The following BDP1 variants were observed in gnomAD, a reference collection of about 807,000 sequenced individuals.
BDP1 encodes the protein transcription factor TFIIIB component B'' homolog.
BDP1 carries 169 observed loss-of-function variants against 266.6 expected under a neutral mutation model. The observed-to-expected ratio is 0.63, with a 90% CI of 0.56 to 0.72. The LOEUF (loss-of-function observed/expected upper bound fraction) is 0.72, where lower values mean the gene tolerates loss of function less well. Ranked by LOEUF, BDP1 falls within the 30% of genes least tolerant of loss-of-function variation. BDP1 has a pLI of 0.00. For missense variants in BDP1, 3,015 were observed against 3,053.8 expected (o/e 0.99, Z 0.30); for synonymous variants, 1,090 against 1,022.4 (o/e 1.07, Z -1.26).
chr5:71,518,742 C>T (rs189872519), intron 22 of BDP1, among the ~76,000 whole-genome samples: 23 of 152,090 alleles, frequency 1.5e-4, no homozygotes, highest in Middle Eastern at 6.8e-3. Flanking sequence ...GGTGAGCCAC[C>T]GTGCCCGACC....
chr5:71,480,086 A>G (rs1393259094), intron 7 of BDP1, among the ~76,000 whole-genome samples: 1 of 151,010 alleles, frequency 6.6e-6, no homozygotes, highest in Non-Finnish European at 1.5e-5. Context: ...CTGGGACTAC[A>G]GGTGCGCACC....
chr5:71,510,910 C>T lies in BDP1; in HGVS notation c.3818C>T (p.Ala1273Val), dbSNP rs1335452738. Residue 1273 changes from alanine (A) to valine (V), a missense_variant, in exon 17 of 39, where the codon GCT becomes GTT. Physicochemically the swap from Ala to Val is moderately conservative, Grantham distance 64. Coordinates refer to ENST00000358731, the MANE Select transcript of BDP1 (RefSeq NM_018429.3). ...ATGGAGAAAGTATCAGGAAAGATGG[C>T]TGTTGTTGAAGAAATGGAGGCAGAT... Reference protein sequence around the residue: ...PIMEKVSGKMAVVEEMEADLK... With the variant: ...PIMEKVSGKMVVVEEMEADLK... 15 of 1,613,558 alleles carry T rather than the reference C, an allele frequency of 9.3e-6. No individual in the cohort carries two copies. In the Admixed American group the frequency reaches 1.0e-4, roughly 11 times the overall value.
rs1765145778 is a variant in BDP1 at position 71,514,974 on chromosome 5, A to G, written c.4501A>G (p.Lys1501Glu). The G allele has an allele frequency of 3.1e-6, 5 of 1,608,804 alleles. No homozygotes were observed. Among genetic ancestry groups the G allele is most frequent in the Non-Finnish European group, 4.2e-6 (5 of 1,178,744 alleles). ...DEASLMISRE[K>E]DTLGHRNEEA... is the part of the protein sequence containing the mutation. ...AGCTTCCCTAATGATATCAAGAGAA[A>G]AAGACACATTAGGTCACAGGAATGA... The change falls in exon 20 of 39, where the codon AAA (lysine) becomes GAA (glutamate). Residue 1501 changes from lysine (K) to glutamate (E), a missense_variant. By Grantham distance (56) the Lys-to-Glu change is moderately conservative. Around this residue, in one of 3 missense-constraint regions of BDP1, gnomAD observed 2,383 missense variants for 2,404.9 expected, o/e 0.99. Transcript: ENST00000358731.
intron 30 of BDP1, 138 bp downstream of exon 30, chr5:71,542,403 T>A: frequency 1.3e-6 from 1 of 782,766 alleles, no homozygotes; most frequent in Non-Finnish European, 2.0e-6. Flanking sequence ...AGACGAGCTA[T>A]AAAATAAATA....
At chr5:71,497,546 G>A in intron 13 of BDP1, 120 bp downstream of exon 13, 2 of 697,254 alleles carry the variant, frequency 2.9e-6, no homozygotes, top group Non-Finnish European at 4.7e-6. Context: ...ACAGATACAA[G>A]AACTTACATT....
Position 71,566,445 on chromosome 5 carries a change from A to G in BDP1, c.*1560A>G, listed in dbSNP as rs575862505. 2.0e-5 allele frequency: 3 copies of G among 152,160 alleles called. No homozygotes were observed. The highest frequency in any genetic ancestry group is 4.4e-5 in the Non-Finnish European group (3 of 68,016). 9.4% of individuals were successfully genotyped at this position (152,160 alleles called of 1,614,324 possible). A position where few individuals can be genotyped will look rare whatever the true frequency, so the allele number is the denominator to read the frequency against. On this transcript the variant is annotated 3_prime_UTR_variant, in exon 39 of 39. Transcript: ENST00000358731. ...TTTGATTTTTTATACGTGTAATTCT[A>G]TTATCTACCCAAGCAGATCTGTAGT...
At position 71,567,265 on chromosome 5, in the gene BDP1, ATC is replaced by A. The variant is rs1744090135; in HGVS notation, c.*2382_*2383del. 6.6e-6 allele frequency: 1 copy of A among 152,186 alleles called. No homozygotes were observed. Among genetic ancestry groups the A allele is most frequent in the African/African-American group, 2.4e-5 (1 of 41,460 alleles). 9.4% of individuals were successfully genotyped at this position (152,186 alleles called of 1,614,324 possible). On this transcript the variant is annotated 3_prime_UTR_variant, in exon 39 of 39. Coordinates refer to ENST00000358731, the MANE Select transcript of BDP1 (RefSeq NM_018429.3). ...TGTAATATTAGTTTTTAACTTTAACATCTGTTTCTTTTTAATCTATAATGAGC... is the reference window on the plus strand; with the variant it reads ...TGTAATATTAGTTTTTAACTTTAACATGTTTCTTTTTAATCTATAATGAGC...
Position 71,566,668 on chromosome 5 carries a change from G to A in BDP1, c.*1783G>A, listed in dbSNP as rs1466086875. 1 of 152,180 alleles carries A rather than the reference G, an allele frequency of 6.6e-6. No individual in the cohort carries two copies. Among genetic ancestry groups the A allele is most frequent in the Non-Finnish European group, 1.5e-5 (1 of 68,028 alleles). The allele number at this position is 152,180 out of a possible 1,614,324, so 9.4% of individuals were successfully genotyped here. A position where few individuals can be genotyped will look rare whatever the true frequency, so the allele number is the denominator to read the frequency against. ...AGCCATAGACAGTACTTGAATGAAG[G>A]ACTGTGGCTGGATTGGCCTTTTAGT... is the stretch of plus-strand genomic sequence containing the variant. On this transcript the variant is annotated 3_prime_UTR_variant, in exon 39 of 39. Coordinates refer to ENST00000358731, the MANE Select transcript of BDP1 (RefSeq NM_018429.3).
intron 7 of BDP1, among the ~76,000 whole-genome samples, chr5:71,474,126 C>T (rs570198628): frequency 2.4e-4 from 37 of 151,514 alleles, no homozygotes; most frequent in African/African-American, 9.0e-4. Context: ...ACTACAGGCG[C>T]CCACCACCAT....
At chr5:71,461,961 T>G in intron 3 of BDP1, 35 bp downstream of exon 3, 1 of 791,936 alleles carries the variant, frequency 1.3e-6, no homozygotes, top group Non-Finnish European at 1.9e-6. Flanking sequence ...ACTATCTCTT[T>G]TTTTTTTTTT....
At position 71,544,812 on chromosome 5, in the gene BDP1, G is replaced by A. The variant is rs547525467; in HGVS notation, c.6564-227G>A. On this transcript the variant is annotated intron_variant, in intron 31 of 38. Transcript: ENST00000358731. ...GGAGAATCGTGTGAACCTGGGAGAC[G>A]GAGCTTGCAGTGAGCCAAGATCGCG... Among the ~76,000 whole-genome samples, 137 of 140,804 alleles carry A rather than the reference G, an allele frequency of 9.7e-4. 3 individuals carry two copies. The South Asian group carries it at 0.019, about 19-fold the overall frequency. The allele number at this position is 140,804 out of a possible 152,430, so 92.4% of individuals were successfully genotyped here. A position where few individuals can be genotyped will look rare whatever the true frequency, so the allele number is the denominator to read the frequency against.
At chr5:71,540,892 C>T (rs988875631) in intron 28 of BDP1, among the ~76,000 whole-genome samples, 3 of 152,106 alleles carry the variant, frequency 2.0e-5, no homozygotes, top group South Asian at 4.1e-4. Context: ...GAGCTGAGAT[C>T]GCACCACTGC....
At position 71,511,039 on chromosome 5, in the gene BDP1, T is replaced by C; in HGVS notation, c.3947T>C (p.Ile1316Thr). ...AELKQTGKTD[I>T]SPRENELEET... is the part of the protein sequence containing the mutation. ...TTGAAACAAACTGGAAAAACAGACA[T>C]TTCTCCAAGGGAAAACGAGCTAGAG... The change falls in exon 17 of 39, where the codon ATT (isoleucine) becomes ACT (threonine). Residue 1316 changes from isoleucine (I) to threonine (T), a missense_variant. Physicochemically the swap from Ile to Thr is moderately conservative, Grantham distance 89 (BLOSUM62 -1). Coordinates refer to ENST00000358731, the MANE Select transcript of BDP1 (RefSeq NM_018429.3). 3.1e-6 allele frequency: 5 copies of C among 1,614,138 alleles called. No homozygotes were observed. The highest frequency in any genetic ancestry group is 3.4e-6 in the Non-Finnish European group (4 of 1,180,034).
chr5:71,472,144 C>G (rs2150368298), intron 7 of BDP1, among the ~76,000 whole-genome samples: 1 of 152,216 alleles, frequency 6.6e-6, no homozygotes, highest in Non-Finnish European at 1.5e-5. Flanking sequence ...ATGGCTCTAG[C>G]AGGTCGTTGG....
chr5:71,488,809 G>T (rs554759088), intron 9 of BDP1, among the ~76,000 whole-genome samples: 2 of 152,034 alleles, frequency 1.3e-5, no homozygotes, highest in East Asian at 1.9e-4. Context: ...CCGTGTTCAA[G>T]TGATTCTCCT....
intron 16 of BDP1, among the ~76,000 whole-genome samples, chr5:71,508,803 C>T (rs1179404206): frequency 6.6e-6 from 1 of 152,182 alleles, no homozygotes; most frequent in Non-Finnish European, 1.5e-5. Context: ...TGCTGCTTTT[C>T]TGGAGAGCAA....
At chr5:71,532,477 GAA>G in intron 26 of BDP1, 50 bp downstream of exon 26, 1 of 1,575,644 alleles carries the variant, frequency 6.3e-7, no homozygotes, top group South Asian at 1.2e-5. Context: ...TGTTTACTTT[GAA>G]AAGACTGGAG....
rs758324622 is a variant in BDP1 at position 71,515,099 on chromosome 5, A to G, written c.4626A>G (p.Lys1542=). The G allele has an allele frequency of 1.9e-6, 3 of 1,599,938 alleles. No homozygotes were observed. The African/African-American group carries it at 4.1e-5, about 22-fold the overall frequency. The change falls in exon 20 of 39, where the codon AAA becomes AAG. Residue 1542 remains lysine (K), a synonymous_variant. Coordinates refer to ENST00000358731, the MANE Select transcript of BDP1 (RefSeq NM_018429.3). The part of the protein sequence containing the change: ...KEESQSAPVQ[K]NDSVVSVGTN... The stretch of plus-strand genomic sequence containing the variant: ...AGTCTCAGTCAGCACCAGTCCAGAA[A>G]AATGACTCAGTTGTTTCTGTGGGGT...
At chr5:71,525,406 T>A (rs1290174787) in intron 25 of BDP1, among the ~76,000 whole-genome samples, 4 of 110,824 alleles carry the variant, frequency 3.6e-5, no homozygotes, top group Non-Finnish European at 5.6e-5. Context: ...CCCCCCCACC[T>A]CCCTCCCGGA....
Sources: allele counts gnomAD v4.1 joint callset (sites outside exome capture counted in the v4.1 genomes callset), GRCh38; gene constraint gnomAD v4.1.1; regional missense constraint gnomAD v4.1.1; transcripts MANE v1.5; gene names NCBI Gene and HGNC (gene_info 2026-07-23, HGNC 2026-07-21).